Variants in NEDD4 observed in about 807,000 individuals in gnomAD.
The protein encoded by NEDD4 is NEDD4 E3 ubiquitin protein ligase.
A neutral mutation model predicts 144.9 loss-of-function variants in NEDD4; 99 were observed. That is an observed-to-expected ratio of 0.68 (90% CI 0.58 to 0.81). The LOEUF is 0.81. Among genes scored for constraint, NEDD4 ranks in the 30% least tolerant of loss-of-function variants. The probability of loss-of-function intolerance (pLI) is 0.00; values close to 1 mark genes in which losing one functional copy is unlikely to be tolerated. For synonymous variants in NEDD4, 318 were observed against 350.6 expected (o/e 0.91, Z 1.04); for missense variants, 985 against 1,065.9 (o/e 0.92, Z 1.06).
In NEDD4 at chr15:55,847,033, G is replaced by A; in HGVS notation, c.1544C>T (p.Ala515Val). The A allele has an allele frequency of 1.3e-6, 2 of 1,589,040 alleles. No individual in the cohort carries two copies. The highest frequency in any genetic ancestry group is 1.2e-5 in the South Asian group (1 of 85,716). Residue 515 changes from alanine (A) to valine (V), a missense_variant and splice_region_variant, in exon 18 of 29, where the codon GCA (alanine) becomes GTA (valine). By Grantham distance (64) the Ala-to-Val change is moderately conservative (BLOSUM62 0). Coordinates refer to ENST00000435532, the MANE Select transcript of NEDD4 (RefSeq NM_006154.4). ...TTTGTAATCCCTGGAGTAGGGCACT[G>A]CCTTTAGTTGGAAATTTTGGAAAAA... ...RLENVAITGP[A>V]VPYSRDYKRK...
chr15:55,949,321 G>A (rs149044341), intron 4 of NEDD4, among the ~76,000 whole-genome samples: 2,824 of 152,242 alleles, frequency 0.019, 78 homozygotes, highest in African/African-American at 0.064. Context: ...GAGAGGATGT[G>A]GAGAAATAGG....
intron 5 of NEDD4, among the ~76,000 whole-genome samples, chr15:55,910,120 G>A (rs2036224499): frequency 1.3e-5 from 2 of 152,128 alleles, no homozygotes; most frequent in African/African-American, 2.4e-5. Flanking sequence ...CCTGTAGAGA[G>A]GGAGTTTGTC....
intron 18 of NEDD4, among the ~76,000 whole-genome samples, chr15:55,845,459 T>C (rs1253912865): frequency 1.3e-5 from 2 of 152,178 alleles, no homozygotes; most frequent in African/African-American, 4.8e-5. Flanking sequence ...GAATAACATA[T>C]GTAAACTTCT....
intron 5 of NEDD4, among the ~76,000 whole-genome samples, chr15:55,878,006 A>G (rs2035052041): frequency 6.6e-6 from 1 of 152,164 alleles, no homozygotes; most frequent in Non-Finnish European, 1.5e-5. Flanking sequence ...TCCCTGCTCT[A>G]CAATCAATCA....
intron 1 of NEDD4, among the ~76,000 whole-genome samples, chr15:55,974,726 TA>T (rs765883456): frequency 7.2e-4 from 94 of 130,832 alleles, no homozygotes; most frequent in East Asian, 1.2e-3. Flanking sequence ...CTCTTCATGA[TA>T]AAAAAAAAAA....
intron 8 of NEDD4, among the ~76,000 whole-genome samples, chr15:55,867,341 T>A (rs1169746505): frequency 6.6e-6 from 1 of 152,082 alleles, no homozygotes; most frequent in Non-Finnish European, 1.5e-5. Context: ...CTCCTGAAAT[T>A]ATAAGGTGCA....
At chr15:55,953,734 G>A (rs1321021977) in intron 2 of NEDD4, among the ~76,000 whole-genome samples, 1 of 150,616 alleles carries the variant, frequency 6.6e-6, no homozygotes, top group Non-Finnish European at 1.5e-5. Context: ...GAGCCAACAT[G>A]CCCGGCTTAA....
At chr15:55,883,264 C>T (rs1239458335) in intron 5 of NEDD4, among the ~76,000 whole-genome samples, 3 of 152,142 alleles carry the variant, frequency 2.0e-5, no homozygotes, top group African/African-American at 7.2e-5. Flanking sequence ...CTCCCCATAG[C>T]CCTGTGGCAG....
intron 5 of NEDD4, among the ~76,000 whole-genome samples, chr15:55,887,506 C>G (rs1490904197): frequency 6.6e-6 from 1 of 152,050 alleles, no homozygotes; most frequent in Non-Finnish European, 1.5e-5. Context: ...ATGTCTATCA[C>G]CAAGGAAAAG....
intron 5 of NEDD4, among the ~76,000 whole-genome samples, chr15:55,903,040 G>A (rs2035961331): frequency 6.6e-6 from 1 of 151,982 alleles, no homozygotes; most frequent in Non-Finnish European, 1.5e-5. Flanking sequence ...AAATATTTGC[G>A]AGAGAAACTG....
Position 55,894,323 on chromosome 15 carries a change from T to G in NEDD4, c.292-20315A>C, listed in dbSNP as rs1842915516. 2.0e-5 allele frequency among the ~76,000 whole-genome samples: 3 copies of G among 152,232 alleles called. No homozygotes were observed. In the South Asian group the frequency reaches 6.2e-4, roughly 32 times the overall value. On this transcript the variant is annotated intron_variant, in intron 5 of 28. Transcript: ENST00000435532. Reference sequence around the variant, plus strand: ...ATAGTGTTTACACTGTATTAGGTATTATAAGTAATCTAGAGATGACAAAAT... The same window carrying G: ...ATAGTGTTTACACTGTATTAGGTATGATAAGTAATCTAGAGATGACAAAAT...
intron 5 of NEDD4, among the ~76,000 whole-genome samples, chr15:55,901,026 T>C (rs2035898800): frequency 6.6e-6 from 1 of 152,162 alleles, no homozygotes. Context: ...ATAAAAAGAA[T>C]GCTATTAGCG....
At chr15:55,911,098 T>C (rs1261175586) in intron 5 of NEDD4, among the ~76,000 whole-genome samples, 1 of 152,128 alleles carries the variant, frequency 6.6e-6, no homozygotes, top group East Asian at 1.9e-4. Context: ...CTTTCACATT[T>C]CTAGCCTTGC....
chr15:55,977,216 T>C (rs1421380770), intron 1 of NEDD4, among the ~76,000 whole-genome samples: 1 of 152,248 alleles, frequency 6.6e-6, no homozygotes, highest in African/African-American at 2.4e-5. Flanking sequence ...GCATATATGA[T>C]GGTGGTCCCA....
intron 4 of NEDD4, among the ~76,000 whole-genome samples, chr15:55,926,514 C>G (rs1595851151): frequency 6.6e-6 from 1 of 152,180 alleles, no homozygotes; most frequent in South Asian, 2.1e-4. Context: ...TCACACCTGT[C>G]ATCCCAGCAC....
At chr15:55,865,498 A>G (rs1237623104) in intron 8 of NEDD4, among the ~76,000 whole-genome samples, 1 of 152,070 alleles carries the variant, frequency 6.6e-6, no homozygotes, top group African/African-American at 2.4e-5. Context: ...AAGATCCATA[A>G]ATTTGATAAC....
intron 8 of NEDD4, among the ~76,000 whole-genome samples, chr15:55,868,978 T>C (rs1396091777): frequency 6.6e-6 from 1 of 152,170 alleles, no homozygotes; most frequent in African/African-American, 2.4e-5. Flanking sequence ...CTCCAAACCC[T>C]ATCCAATTCT....
intron 5 of NEDD4, among the ~76,000 whole-genome samples, chr15:55,905,668 A>C (rs1169784412): frequency 6.6e-6 from 1 of 152,226 alleles, no homozygotes; most frequent in Non-Finnish European, 1.5e-5. Flanking sequence ...CATCAGAAAC[A>C]AGAAAGAACT....
At chr15:55,879,165 G>A (rs1325983089) in intron 5 of NEDD4, among the ~76,000 whole-genome samples, 1 of 152,140 alleles carries the variant, frequency 6.6e-6, no homozygotes, top group Non-Finnish European at 1.5e-5. Context: ...AAGAGTACAT[G>A]CTGTCCGATT....
Sources: allele counts gnomAD v4.1 joint callset (sites outside exome capture counted in the v4.1 genomes callset), GRCh38; gene constraint gnomAD v4.1.1; transcripts MANE v1.5; gene names NCBI Gene and HGNC (gene_info 2026-07-23, HGNC 2026-07-21).